MZT2A: variants seen among roughly 807,000 people sequenced by gnomAD.
MZT2A encodes the protein mitotic-spindle organizing protein 2A.
Under a neutral mutation model 12.4 loss-of-function variants are expected in MZT2A, and 8 were observed. That is an observed-to-expected ratio of 0.64 (90% CI 0.38 to 1.16). MZT2A has a LOEUF of 1.16. Ranked by LOEUF, MZT2A falls within the 50% of genes most tolerant of loss-of-function variation. MZT2A has a pLI of 0.01. For missense variants in MZT2A, 181 were observed against 223.6 expected, an observed-to-expected ratio of 0.81 and a Z score of 1.22; for synonymous variants, 88 against 107.5, an observed-to-expected ratio of 0.82 and a Z score of 1.12.
In MZT2A at chr2:131,478,738, A is replaced by G. The variant is rs552410065; in HGVS notation, c.279-6556T>C. 5 of 355,012 alleles carry G rather than the reference A, an allele frequency of 1.4e-5. No individual in the cohort carries two copies. The South Asian group carries it at 1.5e-4, about 11-fold the overall frequency. The allele number at this position is 355,012 out of a possible 1,614,324, so 22.0% of individuals were successfully genotyped here. On this transcript the variant is annotated intron_variant and NMD_transcript_variant, in intron 2 of 4. Transcript: ENST00000427024. ...GTGCATTCTCTTATGCTGGTGCACTAGAGTCTTGACCTGCATCTTAGGCAT... is the reference window on the plus strand; with the variant it reads ...GTGCATTCTCTTATGCTGGTGCACTGGAGTCTTGACCTGCATCTTAGGCAT...
At chr2:131,489,782 G>T in intron 2 of MZT2A, 1 of 831,206 alleles carries the variant, frequency 1.2e-6, no homozygotes, top group Non-Finnish European at 1.4e-6. Flanking sequence ...CGAAGTGCTG[G>T]GATTACAGGT....
At chr2:131,484,257 G>A (rs371120200) in intron 2 of MZT2A, 39 bp from the exon 3 acceptor site, 220 of 1,600,496 alleles carry the variant, frequency 1.4e-4, no homozygotes, top group African/African-American at 1.3e-3. Context: ...GAATGGACGC[G>A]CCCCATAAAT....
At chr2:131,470,784 C>A (rs1030896446) in intron 3 of MZT2A, among the ~76,000 whole-genome samples, 2 of 148,160 alleles carry the variant, frequency 1.3e-5, no homozygotes, top group Non-Finnish European at 2.9e-5. Flanking sequence ...GGCACTCATG[C>A]CTGTCATCCC....
At chr2:131,485,446 C>T (rs10205189) in intron 2 of MZT2A, among the ~76,000 whole-genome samples, 36,875 of 152,094 alleles carry the variant, frequency 0.24, 5,877 homozygotes, top group East Asian at 0.76. Context: ...AGAAACTCCA[C>T]ACCCCACCCC....
chr2:131,472,110 C>T lies in MZT2A; in HGVS notation c.353G>A (p.Ser118Asn), dbSNP rs1183269403. Reference sequence around the variant, plus strand: ...TCTCCTGCCACACCATGCGGTGCTGCTTCTCTGGCCCCCGTAGCTGCTGTG... The same window carrying T: ...TCTCCTGCCACACCATGCGGTGCTGTTTCTCTGGCCCCCGTAGCTGCTGTG... Residue 118 changes from serine (S) to asparagine (N), a missense_variant and NMD_transcript_variant, in exon 3 of 5, where the codon AGC becomes AAC. Transcript: ENST00000427024. 3 of 1,290,636 alleles carry T rather than the reference C, an allele frequency of 2.3e-6. No homozygotes were observed. In the South Asian group the frequency reaches 3.7e-5, roughly 16 times the overall value. The allele number at this position is 1,290,636 out of a possible 1,614,324, so 79.9% of individuals were successfully genotyped here.
chr2:131,487,999 T>C (rs1467018090), intron 2 of MZT2A, among the ~76,000 whole-genome samples: 3 of 152,192 alleles, frequency 2.0e-5, no homozygotes, highest in Non-Finnish European at 4.4e-5. Flanking sequence ...ACTGCTGAGC[T>C]CAAGAGATCC....
chr2:131,475,108 G>A (rs1489202258), intron 2 of MZT2A, among the ~76,000 whole-genome samples: 1 of 150,060 alleles, frequency 6.7e-6, no homozygotes, highest in African/African-American at 2.5e-5. Context: ...TTACAGGCAT[G>A]CGCCACCGTG....
At chr2:131,492,704 G>C, upstream of MZT2A, 2 of 1,270,968 alleles carry the variant, frequency 1.6e-6, no homozygotes, top group Non-Finnish European at 2.0e-6. Context: ...GCATACATTG[G>C]GCGCTCAGTC....
intron 2 of MZT2A, among the ~76,000 whole-genome samples, chr2:131,488,312 C>G (rs1559359472): frequency 6.6e-6 from 1 of 152,186 alleles, no homozygotes; most frequent in African/African-American, 2.4e-5. Flanking sequence ...AAGCATCGAC[C>G]CTCTGTGCTT....
intron 2 of MZT2A, chr2:131,490,097 A>G: frequency 1.3e-6 from 1 of 766,370 alleles, no homozygotes; most frequent in Non-Finnish European, 1.6e-6. Context: ...TCTGGGTGGC[A>G]GTGAGGTGGC....
upstream of MZT2A, chr2:131,492,547 T>C: frequency 8.8e-7 from 1 of 1,134,610 alleles, no homozygotes; most frequent in Non-Finnish European, 1.1e-6. Context: ...CAACAGTTAG[T>C]GGGCGCTCAC....
intron 2 of MZT2A, among the ~76,000 whole-genome samples, chr2:131,484,948 GA>G (rs1678996779): frequency 6.6e-6 from 1 of 152,220 alleles, no homozygotes; most frequent in African/African-American, 2.4e-5. Flanking sequence ...AGATAGCCAA[GA>G]AAAATCTGCA....
chr2:131,482,870 C>T (rs115260381), downstream of MZT2A: 287 of 1,601,784 alleles, frequency 1.8e-4, 1 homozygote, highest in African/African-American at 3.7e-3. Context: ...GGTGGGTTCT[C>T]CCCTGCCACC....
At chr2:131,477,723 G>A (rs986488744) in intron 2 of MZT2A, among the ~76,000 whole-genome samples, 1 of 151,406 alleles carries the variant, frequency 6.6e-6, no homozygotes, top group Admixed American at 6.6e-5. Context: ...GGTAGAGAGA[G>A]GACACACACT....
chr2:131,490,511 G>A lies in MZT2A; in HGVS notation c.319+1365C>T, dbSNP rs144783569. On this transcript the variant is annotated intron_variant, in intron 2 of 2. Coordinates refer to ENST00000309451, the MANE Select transcript of MZT2A (RefSeq NM_001085365.2). ...TGGTCCTGTCCCCGGATGCCAGCCC[G>A]ACTGTGGGGTCTAGAGACTGCCACA... 1,651 of 1,434,596 alleles carry A rather than the reference G, an allele frequency of 1.2e-3. 19 individuals are homozygous for A. In the African/African-American group the frequency reaches 0.021, roughly 18 times the overall value. The allele number at this position is 1,434,596 out of a possible 1,614,324, so 88.9% of individuals were successfully genotyped here.
chr2:131,479,292 A>G (rs1320126550), downstream of MZT2A: 1 of 1,612,918 alleles, frequency 6.2e-7, no homozygotes, highest in East Asian at 2.2e-5. Flanking sequence ...CACAGCACAC[A>G]CTGTCTCTTT....
intron 2 of MZT2A, chr2:131,475,947 C>G: frequency 1.8e-6 from 1 of 550,106 alleles, no homozygotes; most frequent in Non-Finnish European, 2.9e-6. Flanking sequence ...CCTTTGATGA[C>G]CCCCGCTGCC....
chr2:131,473,096 T>C (rs1355284670), intron 2 of MZT2A, among the ~76,000 whole-genome samples: 2 of 152,052 alleles, frequency 1.3e-5, no homozygotes, highest in Non-Finnish European at 2.9e-5. Context: ...GAGGACATGG[T>C]GAGAAGGTGG....
intron 2 of MZT2A, chr2:131,491,143 G>A: frequency 1.7e-6 from 1 of 587,000 alleles, no homozygotes; most frequent in Non-Finnish European, 3.0e-6. Flanking sequence ...TTCAGAGAGA[G>A]CCATCGGGAG....
Sources: allele counts gnomAD v4.1 joint callset (sites outside exome capture counted in the v4.1 genomes callset), GRCh38; gene constraint gnomAD v4.1.1; transcripts MANE v1.5; gene names NCBI Gene and HGNC (gene_info 2026-07-23, HGNC 2026-07-21).